The following VAV2 variants were observed in gnomAD, a reference collection of about 807,000 sequenced individuals.
VAV2 encodes the protein vav guanine nucleotide exchange factor 2.
In VAV2, 67 loss-of-function variants were observed where a neutral mutation model predicts 132.5. That is an observed-to-expected ratio of 0.51 (90% confidence interval 0.42 to 0.62). The LOEUF (loss-of-function observed/expected upper bound fraction) is 0.62. VAV2 is among the 20% of genes least tolerant of loss of function. The pLI, the probability that VAV2 is intolerant of heterozygous loss-of-function variation, is 0.00. For missense variants in VAV2, 938 were observed against 1,153.6 expected (o/e 0.81, Z 2.71); for synonymous variants, 492 against 443.5 (o/e 1.11, Z -1.37).
At chr9:133,784,589 C>T (rs1007068055) in intron 17 of VAV2, among the ~76,000 whole-genome samples, 171 bp from the exon 18 acceptor site, 23 of 152,220 alleles carry the variant, frequency 1.5e-4, no homozygotes, top group Admixed American at 2.6e-4. Context: ...AGGGCCCAGA[C>T]TCCCTGCTCG....
rs531252885 is a variant in VAV2, at chr9:133,802,261, C to T, written c.836+3820G>A. On this transcript the variant is annotated intron_variant, in intron 9 of 29. Transcript: ENST00000371850. This position sits in a 1 kb window ranked among gnomAD's most constrained non-coding sequence, Gnocchi z 5.8. ...GAGCCAAAACTTGGAATAACACACACGGGCACACATGTATGCACACACACA... is the reference window on the plus strand; with the variant it reads ...GAGCCAAAACTTGGAATAACACACATGGGCACACATGTATGCACACACACA... Among the ~76,000 whole-genome samples, 10 of 147,694 alleles carry T rather than the reference C, an allele frequency of 6.8e-5. No individual in the cohort carries two copies. The East Asian group carries it at 7.7e-4, about 11-fold the overall frequency.
In VAV2 at chr9:133,762,205, A is replaced by G. The variant is rs1356211212; in HGVS notation, c.*1857T>C. 1 of 152,574 alleles carries G rather than the reference A, an allele frequency of 6.6e-6. No individual in the cohort carries two copies. The highest frequency in any genetic ancestry group is 1.9e-4 in the East Asian group (1 of 5,196). 9.5% of individuals were successfully genotyped at this position (152,574 alleles called of 1,614,324 possible). On this transcript the variant is annotated 3_prime_UTR_variant, in exon 30 of 30. Transcript: ENST00000371850. This position sits in a 1 kb window ranked among gnomAD's most constrained non-coding sequence, Gnocchi z 5.0. ...CACAAATCTCAAAACAAAGAAACAC[A>G]AAACAAAAAAATTCACAAAAACCAG... is the stretch of plus-strand genomic sequence containing the variant.
intron 3 of VAV2, among the ~76,000 whole-genome samples, chr9:133,839,755 A>T (rs1208036180): frequency 6.6e-6 from 1 of 152,156 alleles, no homozygotes; most frequent in Non-Finnish European, 1.5e-5. Context: ...AGCCTACACG[A>T]GGAGGCATTT....
At chr9:133,985,972 T>C (rs1588228979) in intron 1 of VAV2, among the ~76,000 whole-genome samples, 2 of 149,094 alleles carry the variant, frequency 1.3e-5, no homozygotes, top group African/African-American at 2.5e-5. Flanking sequence ...AAAGCAGAGA[T>C]GGATGAGAAG....
At chr9:133,796,698 G>A (rs10119331) in intron 10 of VAV2, among the ~76,000 whole-genome samples, 174 bp from the exon 11 acceptor site, 2 of 151,974 alleles carry the variant, frequency 1.3e-5, no homozygotes, top group African/African-American at 2.4e-5. Context: ...TGTGCAGAGG[G>A]GGGGGCTTCA....
At position 133,763,200 on chromosome 9, in the gene VAV2, G is replaced by A. The variant is rs997018062; in HGVS notation, c.*862C>T. 1 of 152,296 alleles carries A rather than the reference G, an allele frequency of 6.6e-6. No homozygotes were observed. Among genetic ancestry groups the A allele is most frequent in the African/African-American group, 2.4e-5 (1 of 41,430 alleles). The allele number at this position is 152,296 out of a possible 1,614,324, so 9.4% of individuals were successfully genotyped here. A position where few individuals can be genotyped will look rare whatever the true frequency, so the allele number is the denominator to read the frequency against. ...GAGAGGGACCTGGCAGGGATCTAGA[G>A]AGGGGAAATCCCTGTTTTCTTCCCT... is the stretch of plus-strand genomic sequence containing the variant. On this transcript the variant is annotated 3_prime_UTR_variant, in exon 30 of 30. Transcript: ENST00000371850. The surrounding 1 kb of genome is among the most constrained non-coding windows in gnomAD (Gnocchi z 6.8).
At chr9:133,974,315 G>A (rs1330443993) in intron 1 of VAV2, among the ~76,000 whole-genome samples, 1 of 152,124 alleles carries the variant, frequency 6.6e-6, no homozygotes, top group Non-Finnish European at 1.5e-5. Context: ...CTTGCACAAG[G>A]GCCTAGACAG....
At chr9:133,842,052 G>A (rs375337387) in intron 3 of VAV2, among the ~76,000 whole-genome samples, 5 of 152,198 alleles carry the variant, frequency 3.3e-5, no homozygotes, top group East Asian at 1.9e-4. Context: ...GAACAAGAAC[G>A]CAGCCCTCAA....
chr9:133,834,403 A>G lies in VAV2; in HGVS notation c.381-63T>C. 2 of 1,548,430 alleles carry G rather than the reference A, an allele frequency of 1.3e-6. No homozygotes were observed. The highest frequency in any genetic ancestry group is 1.8e-6 in the Non-Finnish European group (2 of 1,134,816). On this transcript the variant is annotated intron_variant, in intron 3 of 29. Transcript: ENST00000371850. The surrounding 1 kb of genome is among the most constrained non-coding windows in gnomAD (Gnocchi z 5.9). ...CGGCACTGCCGGCCAGTGGGACCCC[A>G]GCTGGACCCCACAGCAGAGCCCAGT...
At chr9:133,915,373 T>A (rs1458648331) in intron 2 of VAV2, among the ~76,000 whole-genome samples, 2 of 152,168 alleles carry the variant, frequency 1.3e-5, no homozygotes, top group Admixed American at 1.3e-4. Context: ...TTCAGCACGA[T>A]CTGGCGTTCT....
Position 133,826,264 on chromosome 9 carries a change from T to C in VAV2, c.449+8008A>G, listed in dbSNP as rs953782097. Among the ~76,000 whole-genome samples, 5 of 152,186 alleles carry C rather than the reference T, an allele frequency of 3.3e-5. No homozygotes were observed. The highest frequency in any genetic ancestry group is 6.5e-5 in the Admixed American group (1 of 15,282). On this transcript the variant is annotated intron_variant, in intron 4 of 29. Transcript: ENST00000371850. The surrounding 1 kb of genome is among the most constrained non-coding windows in gnomAD (Gnocchi z 4.2). ...AAGGAAAGGAAAGGCCAGCTAGACC[T>C]TGGGCCCTGGTGACCCGCCACACTA...
rs1393949968 is a variant in VAV2, at chr9:133,857,532, G to A, written c.380+3842C>T. Among the ~76,000 whole-genome samples, 1 of 152,176 alleles carries A rather than the reference G, an allele frequency of 6.6e-6. No homozygotes were observed. The highest frequency in any genetic ancestry group is 1.9e-4 in the East Asian group (1 of 5,192). On this transcript the variant is annotated intron_variant, in intron 3 of 29. Coordinates refer to ENST00000371850, the MANE Select transcript of VAV2 (RefSeq NM_001134398.2). The surrounding 1 kb of genome is among the most constrained non-coding windows in gnomAD (Gnocchi z 4.0). ...TGAGGGAGAGATTCTTCAGGGCTGTGGGCTTGGCTTGTGGGTTTTCAAGAA... is the reference window on the plus strand; with the variant it reads ...TGAGGGAGAGATTCTTCAGGGCTGTAGGCTTGGCTTGTGGGTTTTCAAGAA...
intron 2 of VAV2, among the ~76,000 whole-genome samples, chr9:133,868,028 C>T (rs1837875811): frequency 6.6e-6 from 1 of 152,248 alleles, no homozygotes; most frequent in Admixed American, 6.5e-5. Context: ...CTCGGACAGA[C>T]AGACCAGGAG....
rs1453834656 is a variant in VAV2 at position 133,778,721 on chromosome 9, G to A, written c.1890+41C>T. On this transcript the variant is annotated intron_variant, in intron 22 of 29. Transcript: ENST00000371850. The stretch of plus-strand genomic sequence containing the variant: ...CTGCCCCAGGGAGCAGGGAGGAGCT[G>A]GAGCCGGGGACCCTCGACCCTCCCG... 8 of 1,605,856 alleles carry A rather than the reference G, an allele frequency of 5.0e-6. No homozygotes were observed. In the Admixed American group the frequency reaches 8.4e-5, roughly 17 times the overall value.
chr9:133,838,876 T>C (rs893122045), intron 3 of VAV2, among the ~76,000 whole-genome samples: 3 of 127,438 alleles, frequency 2.4e-5, no homozygotes, highest in East Asian at 2.4e-4. Context: ...GGTGGATGGA[T>C]AGATGGGTGG....
chr9:133,941,448 T>C (rs937703589), intron 1 of VAV2, among the ~76,000 whole-genome samples: 4 of 151,764 alleles, frequency 2.6e-5, no homozygotes, highest in Non-Finnish European at 5.9e-5. Flanking sequence ...AAAACCTAGA[T>C]TGCTAATTTT....
intron 1 of VAV2, among the ~76,000 whole-genome samples, chr9:133,972,817 G>A (rs927813385): frequency 6.6e-6 from 1 of 150,696 alleles, no homozygotes; most frequent in Non-Finnish European, 1.5e-5. Context: ...GGCAACCAAG[G>A]CCCAGGCATG....
intron 2 of VAV2, among the ~76,000 whole-genome samples, chr9:133,914,809 A>AGGG (rs1840014270): frequency 8.1e-4 from 1 of 1,240 alleles, no homozygotes; most frequent in Non-Finnish European, 1.8e-3. Context: ...AGGGGAAGGG[A>AGGG]GAAGGGGAGG....
At chr9:133,981,699 A>G (rs1842699142) in intron 1 of VAV2, among the ~76,000 whole-genome samples, 1 of 152,242 alleles carries the variant, frequency 6.6e-6, no homozygotes, top group South Asian at 2.1e-4. Flanking sequence ...ACGGCCACCA[A>G]GAAGATGCTA....
Sources: allele counts gnomAD v4.1 joint callset (sites outside exome capture counted in the v4.1 genomes callset), GRCh38; gene constraint gnomAD v4.1.1; non-coding constraint Gnocchi (gnomAD v3.1); transcripts MANE v1.5; gene names NCBI Gene and HGNC (gene_info 2026-07-23, HGNC 2026-07-21).